PELP1: variants seen among roughly 807,000 people sequenced by gnomAD.
The protein encoded by PELP1 is proline-, glutamic acid- and leucine-rich protein 1.
PELP1 carries 32 observed loss-of-function variants against 95.5 expected under a neutral mutation model. The ratio of observed to expected loss-of-function variants is 0.34; its 90% CI spans 0.25 to 0.45. The LOEUF (loss-of-function observed/expected upper bound fraction) is 0.45. PELP1 is among the 20% of genes least tolerant of loss of function. PELP1 has a pLI of 1.00. For missense variants in PELP1, 1,358 were observed against 1,444.8 expected (o/e 0.94, Z 0.97); for synonymous variants, 668 against 600.1 (o/e 1.11, Z -1.65).
intron 3 of PELP1, 100 bp downstream of exon 3, chr17:4,690,788 C>G (rs1416028538): frequency 2.5e-5 from 19 of 755,292 alleles, no homozygotes. Context: ...ATTATTCTGT[C>G]CCCAGAACTA....
chr17:4,671,616 G>C, intron 16 of PELP1, 75 bp downstream of exon 16: 1 of 1,602,406 alleles, frequency 6.2e-7, no homozygotes, highest in South Asian at 1.1e-5. Flanking sequence ...CCTCTCCTAA[G>C]AGAAGCAGCT....
At position 4,673,924 on chromosome 17, in the gene PELP1, C is replaced by G. The variant is rs1484422456; in HGVS notation, c.1583-250G>C. 2.0e-6 allele frequency: 1 copy of G among 491,652 alleles called. No homozygotes were observed. The highest frequency in any genetic ancestry group is 1.9e-5 in the African/African-American group (1 of 51,894). The allele number at this position is 491,652 out of a possible 1,614,324, so 30.5% of individuals were successfully genotyped here. On this transcript the variant is annotated intron_variant, in intron 13 of 16. Coordinates refer to ENST00000572293, the MANE Select transcript of PELP1 (RefSeq NM_014389.3). This position sits in a 1 kb window ranked among gnomAD's most constrained non-coding sequence, Gnocchi z 5.7. ...AATTTTGCATTTATATATTTGGGAA[C>G]AATCGGTTCTCCCCTTCCCATGGGA...
rs775968841 is a variant in PELP1, at chr17:4,671,474, C to G, written c.3358G>C (p.Glu1120Gln). 6.2e-7 allele frequency: 1 copy of G among 1,608,442 alleles called. No individual in the cohort carries two copies. Among genetic ancestry groups the G allele is most frequent in the African/African-American group, 1.3e-5 (1 of 74,814 alleles). Residue 1120 changes from glutamate to glutamine, a missense_variant, in exon 17 of 17, where the codon GAG (glutamate) becomes CAG (glutamine). Around this residue, in one of 7 missense-constraint regions of PELP1, gnomAD observed 283 missense variants for 284.1 expected, o/e 1.00. Coordinates refer to ENST00000572293, the MANE Select transcript of PELP1 (RefSeq NM_014389.3). ...GGCTCTGTGGGAGGTGGTGGCTTCT[C>G]ATCATCAGGGGGACAATCGATGAAG... ...ADFIDCPPDDEKPPPPTEPDS is the reference protein window; with the variant it reads ...ADFIDCPPDDQKPPPPTEPDS
intron 1 of PELP1, among the ~76,000 whole-genome samples, chr17:4,702,644 T>C (rs933654603): frequency 6.6e-6 from 1 of 152,146 alleles, no homozygotes; most frequent in Non-Finnish European, 1.5e-5. Flanking sequence ...GATAGGGTTA[T>C]CTGTGATAAA....
chr17:4,670,115 T>A lies in PELP1; in HGVS notation c.*1324A>T. On this transcript the variant is annotated 3_prime_UTR_variant, in exon 17 of 17. Transcript: ENST00000572293. ...TCTAGGCAAAGGTTATCTATTATAC[T>A]GTTCTCACTTTTCTGTTTATTTCGA... 6.6e-6 allele frequency: 1 copy of A among 152,244 alleles called. No homozygotes were observed. The highest frequency in any genetic ancestry group is 1.5e-5 in the Non-Finnish European group (1 of 68,044). 9.4% of individuals were successfully genotyped at this position (152,244 alleles called of 1,614,324 possible).
intron 1 of PELP1, among the ~76,000 whole-genome samples, chr17:4,697,215 C>CGAGAG (rs56104723): frequency 0.16 from 23,821 of 151,802 alleles, 2,415 homozygotes; most frequent in Non-Finnish European, 0.24. Context: ...ACAGGAGAAT[C>CGAGAG]GAGAGGAGAG....
At chr17:4,701,305 T>A (rs1298798456) in intron 1 of PELP1, among the ~76,000 whole-genome samples, 1 of 101,826 alleles carries the variant, frequency 9.8e-6, no homozygotes, top group Non-Finnish European at 1.9e-5. Flanking sequence ...TTGAGAAGAC[T>A]GGGAAGGAGG....
chr17:4,683,174 A>C, intron 3 of PELP1: 1 of 899,642 alleles, frequency 1.1e-6, no homozygotes. Context: ...GGGGAAAAAA[A>C]GAGTAACAAA....
rs759052254 is a variant in PELP1 at position 4,671,393 on chromosome 17, A to G, written c.*46T>C. On this transcript the variant is annotated 3_prime_UTR_variant, in exon 17 of 17. Coordinates refer to ENST00000572293, the MANE Select transcript of PELP1 (RefSeq NM_014389.3). ...AAGGCAGAAGCAGCAGTCGCTATCT[A>G]AGGACATAACTTTATTGGAAACAAA... 9.5e-7 allele frequency: 1 copy of G among 1,051,618 alleles called. No homozygotes were observed. The highest frequency in any genetic ancestry group is 1.3e-5 in the South Asian group (1 of 79,336). The allele number at this position is 1,051,618 out of a possible 1,614,324, so 65.1% of individuals were successfully genotyped here. A position where few individuals can be genotyped will look rare whatever the true frequency, so the allele number is the denominator to read the frequency against.
At chr17:4,681,903 C>T (rs1912705953) in intron 5 of PELP1, among the ~76,000 whole-genome samples, 1 of 152,084 alleles carries the variant, frequency 6.6e-6, no homozygotes, top group Admixed American at 6.5e-5. Flanking sequence ...GTGGCTCACA[C>T]TTATAATCCC....
In PELP1 at chr17:4,672,480, C is replaced by A; in HGVS notation, c.2511G>T (p.Gly837=). The change falls in exon 16 of 17, where the codon GGG becomes GGT. Residue 837 remains glycine (G), a synonymous_variant. Coordinates refer to ENST00000572293, the MANE Select transcript of PELP1 (RefSeq NM_014389.3). The part of the protein sequence containing the change: ...EEPEELPAAP[G]PLPPPPPPPP... ...GCGGAGGTGGGGGTGGCGGGAGAGG[C>A]CCTGGGGCTGCAGGAAGTTCTTCAG... The A allele has an allele frequency of 6.4e-7, 1 of 1,569,214 alleles. No individual in the cohort carries two copies. Among genetic ancestry groups the A allele is most frequent in the South Asian group, 1.2e-5 (1 of 82,630 alleles).
chr17:4,687,510 A>G (rs1015773863), intron 3 of PELP1, among the ~76,000 whole-genome samples: 8 of 152,030 alleles, frequency 5.3e-5, no homozygotes, highest in Admixed American at 4.6e-4. Context: ...AAAAAAAAAA[A>G]AAAAAAAAAA....
chr17:4,683,506 A>G (rs1404426683), intron 3 of PELP1, among the ~76,000 whole-genome samples: 66 of 129,062 alleles, frequency 5.1e-4, no homozygotes, highest in Admixed American at 8.5e-4. Context: ...GGTGTGAGCC[A>G]TCACGCCCAG....
chr17:4,684,432 A>G (rs1185104530), intron 3 of PELP1, among the ~76,000 whole-genome samples: 1 of 152,144 alleles, frequency 6.6e-6, no homozygotes. Flanking sequence ...TTTTGCACCA[A>G]CCTAATAAAA....
At position 4,676,080 on chromosome 17, in the gene PELP1, C is replaced by A; in HGVS notation, c.936G>T (p.Arg312=). The change falls in exon 8 of 17, where the codon CGG becomes CGT. Residue 312 remains arginine, a synonymous_variant. Coordinates refer to ENST00000572293, the MANE Select transcript of PELP1 (RefSeq NM_014389.3). ...AGCGGGCCAGTCCCGAAAACCTCTGCCGAAGCTGGAGAAGGACATGGGCAT... is the reference window on the plus strand; with the variant it reads ...AGCGGGCCAGTCCCGAAAACCTCTGACGAAGCTGGAGAAGGACATGGGCAT... ...DGDAHVLLQL[R]QRFSGLARCL... is the part of the protein sequence containing the mutation. 1.2e-6 allele frequency: 2 copies of A among 1,613,988 alleles called. No individual in the cohort carries two copies. The highest frequency in any genetic ancestry group is 1.7e-6 in the Non-Finnish European group (2 of 1,179,888).
intron 3 of PELP1, among the ~76,000 whole-genome samples, chr17:4,687,003 T>C (rs1912928969): frequency 6.6e-6 from 1 of 152,188 alleles, no homozygotes; most frequent in African/African-American, 2.4e-5. Flanking sequence ...CATGCTGGAA[T>C]TCTTCAAACA....
chr17:4,703,846 G>A lies in PELP1; in HGVS notation c.249+17C>T, dbSNP rs1327275762. On this transcript the variant is annotated intron_variant, in intron 1 of 16. Transcript: ENST00000572293. ...ATCCTCCCCACAGGGCCGCGGGCAC[G>A]CGGGCCACGGACTCACCTGGGCCCC... The A allele has an allele frequency of 1.3e-6, 2 of 1,598,078 alleles. No homozygotes were observed. Among genetic ancestry groups the A allele is most frequent in the South Asian group, 1.1e-5 (1 of 89,906 alleles).
chr17:4,677,741 C>T (rs537376405), intron 5 of PELP1, among the ~76,000 whole-genome samples: 28 of 152,136 alleles, frequency 1.8e-4, no homozygotes, highest in Admixed American at 5.2e-4. Flanking sequence ...CCAGTCTGGG[C>T]AACATGGAGA....
chr17:4,700,870 G>A (rs1285433430), intron 1 of PELP1, among the ~76,000 whole-genome samples: 17 of 149,640 alleles, frequency 1.1e-4, no homozygotes, highest in Admixed American at 5.4e-4. Context: ...GGCCAAGGCC[G>A]CAGTGAGCCA....
Sources: allele counts gnomAD v4.1 joint callset (sites outside exome capture counted in the v4.1 genomes callset), GRCh38; gene constraint gnomAD v4.1.1; regional missense constraint gnomAD v4.1.1; non-coding constraint Gnocchi (gnomAD v3.1); transcripts MANE v1.5; gene names NCBI Gene and HGNC (gene_info 2026-07-23, HGNC 2026-07-21).